Variants in FLNB observed in about 807,000 individuals in gnomAD.
FLNB encodes filamin B.
In FLNB, 111 loss-of-function variants were observed where a neutral mutation model predicts 250.6. The ratio of observed to expected loss-of-function variants is 0.44; its 90% CI spans 0.38 to 0.52. The LOEUF (loss-of-function observed/expected upper bound fraction) is 0.52. FLNB is among the 20% of genes least tolerant of loss of function. The pLI is 0.00. For synonymous variants in FLNB, 1,302 were observed against 1,372.1 expected, an observed-to-expected ratio of 0.95 and a Z score of 1.13; for missense variants, 2,869 against 3,447.8, an observed-to-expected ratio of 0.83 and a Z score of 4.20.
chr3:58,135,878 G>A, intron 27 of FLNB, 101 bp from the exon 28 acceptor site: 1 of 1,202,282 alleles, frequency 8.3e-7, no homozygotes, highest in South Asian at 1.3e-5. Flanking sequence ...AATTCTGTCT[G>A]TTTCCACTAG....
At position 58,130,813 on chromosome 3, in the gene FLNB, G is replaced by A; in HGVS notation, c.4295G>A (p.Gly1432Asp). The change falls in exon 25 of 46, where the codon GGC (glycine) becomes GAC (aspartate). Residue 1432 changes from glycine (G) to aspartate (D), a missense_variant. Transcript: ENST00000295956. ...SKVKIAGPGL[G>D]SGVRARVLQS... ...GTCAAGATTGCCGGCCCCGGGCTGG[G>A]CTCAGGCGTCCGAGCCCGTGTCCTG... The A allele has an allele frequency of 6.2e-7, 1 of 1,613,886 alleles. No homozygotes were observed. Among genetic ancestry groups the A allele is most frequent in the Non-Finnish European group, 8.5e-7 (1 of 1,179,944 alleles).
intron 22 of FLNB, among the ~76,000 whole-genome samples, chr3:58,124,859 A>AG (rs1164779348): frequency 6.6e-6 from 1 of 152,010 alleles, no homozygotes; most frequent in African/African-American, 2.4e-5. Context: ...TAAAGAAAAA[A>AG]AAGTGCCATG....
chr3:58,146,923 C>G lies in FLNB; in HGVS notation c.5658C>G (p.Gly1886=). Residue 1886 remains glycine (G), a synonymous_variant, in exon 34 of 46, where the codon GGC becomes GGG. Coordinates refer to ENST00000295956, the MANE Select transcript of FLNB (RefSeq NM_001457.4). ...CTVTYLPTLP[G]DYSILVKYND... ...TGACCTACCTGCCGACTCTGCCAGG[C>G]GACTACAGCATTCTGGTCAAGTACA... 6.2e-7 allele frequency: 1 copy of G among 1,614,170 alleles called. No homozygotes were observed. The highest frequency in any genetic ancestry group is 1.3e-5 in the African/African-American group (1 of 75,034).
At chr3:58,131,110 C>G (rs548105592) in intron 25 of FLNB, among the ~76,000 whole-genome samples, 2 of 152,180 alleles carry the variant, frequency 1.3e-5, no homozygotes, top group African/African-American at 4.8e-5. Context: ...GATCTGTCCC[C>G]CCATTTAATA....
intron 43 of FLNB, among the ~76,000 whole-genome samples, chr3:58,167,993 A>T (rs567493383): frequency 6.6e-6 from 1 of 152,238 alleles, no homozygotes; most frequent in Non-Finnish European, 1.5e-5. Flanking sequence ...GGAGGAAGGG[A>T]GGAGATGCTT....
chr3:58,010,653 A>G (rs760603813), intron 1 of FLNB, among the ~76,000 whole-genome samples: 2 of 152,176 alleles, frequency 1.3e-5, no homozygotes, highest in Admixed American at 1.3e-4. Flanking sequence ...TGTTTTAAAA[A>G]TGTGTATTTA....
In FLNB at chr3:58,168,499, A is replaced by C. The variant is rs767585122; in HGVS notation, c.7258A>C (p.Thr2420Pro). 3.1e-6 allele frequency: 5 copies of C among 1,614,246 alleles called. No individual in the cohort carries two copies. Among genetic ancestry groups the C allele is most frequent in the Non-Finnish European group, 4.2e-6 (5 of 1,180,034 alleles). The change falls in exon 44 of 46, where the codon ACC (threonine) becomes CCC (proline). Residue 2420 changes from threonine to proline, a missense_variant. Physicochemically the swap from Thr to Pro is conservative, Grantham distance 38. Around this residue, in one of 5 missense-constraint regions of FLNB, gnomAD observed 1,084 missense variants for 1,315.5 expected, o/e 0.82. Transcript: ENST00000295956. ...TRAGPGTLSV[T>P]IEGPSKVKMD... ...AGCAGGTCCAGGGACATTATCCGTC[A>C]CCATCGAAGGCCCATCCAAGGTTAA... is the stretch of plus-strand genomic sequence containing the variant.
chr3:58,067,181 T>C (rs367879543), intron 1 of FLNB, among the ~76,000 whole-genome samples: 28 of 137,058 alleles, frequency 2.0e-4, no homozygotes, highest in African/African-American at 7.9e-4. Context: ...TTCTAATGCA[T>C]TTTAGCAGTC....
intron 1 of FLNB, among the ~76,000 whole-genome samples, chr3:58,058,803 TTC>T (rs1169868686): frequency 2.6e-5 from 4 of 152,216 alleles, no homozygotes. Flanking sequence ...CTTCCTTTCT[TTC>T]TGTGTGTTTA....
At chr3:58,137,664 G>C (rs774122103) in intron 28 of FLNB, among the ~76,000 whole-genome samples, 1 of 152,240 alleles carries the variant, frequency 6.6e-6, no homozygotes, top group Non-Finnish European at 1.5e-5. Flanking sequence ...AATCAAGAGA[G>C]AGACTGGTCA....
At position 58,154,882 on chromosome 3, in the gene FLNB, C is replaced by G; in HGVS notation, c.6726C>G (p.Asp2242Glu). The stretch of plus-strand genomic sequence containing the variant: ...GTAAGGCCGAGATTACATTCGATGA[C>G]CATAAAAATGGGTCGTGCGGTGTAT... ...GPSKAEITFD[D>E]HKNGSCGVSY... The change falls in exon 40 of 46, where the codon GAC (aspartate) becomes GAG (glutamate). Residue 2242 changes from aspartate to glutamate, a missense_variant. By Grantham distance (45) the Asp-to-Glu change is conservative. Coordinates refer to ENST00000295956, the MANE Select transcript of FLNB (RefSeq NM_001457.4). 6.2e-7 allele frequency: 1 copy of G among 1,613,968 alleles called. No individual in the cohort carries two copies. The highest frequency in any genetic ancestry group is 8.5e-7 in the Non-Finnish European group (1 of 1,179,896).
chr3:58,148,223 T>A lies in FLNB; in HGVS notation c.5746T>A (p.Ser1916Thr), dbSNP rs2097338991. The A allele has an allele frequency of 6.2e-7, 1 of 1,614,208 alleles. No homozygotes were observed. Among genetic ancestry groups the A allele is most frequent in the Non-Finnish European group, 8.5e-7 (1 of 1,180,044 alleles). ...TTTCCCAGATGACAGCAGGCGGTGCTCCCAGGTGAAGTTGGGCTCAGCCGC... is the reference window on the plus strand; with the variant it reads ...TTTCCCAGATGACAGCAGGCGGTGCACCCAGGTGAAGTTGGGCTCAGCCGC... ...AKITDDSRRCSQVKLGSAADF... is the reference protein window; with the variant it reads ...AKITDDSRRCTQVKLGSAADF... The change falls in exon 35 of 46, where the codon TCC (serine) becomes ACC (threonine). Residue 1916 changes from serine to threonine, a missense_variant. Transcript: ENST00000295956.
At chr3:58,111,944 C>T in intron 17 of FLNB, 63 bp downstream of exon 17, 1 of 1,379,222 alleles carries the variant, frequency 7.3e-7, no homozygotes, top group Non-Finnish European at 1.0e-6. Flanking sequence ...GGGCGTGTTT[C>T]ATCCACGGCC....
intron 1 of FLNB, among the ~76,000 whole-genome samples, chr3:58,036,541 C>T (rs1321399576): frequency 6.6e-6 from 1 of 152,136 alleles, no homozygotes; most frequent in African/African-American, 2.4e-5. Flanking sequence ...TCAGCTGATC[C>T]ATGGAGTGCA....
chr3:58,107,521 A>G (rs1335166413), intron 12 of FLNB, among the ~76,000 whole-genome samples: 3 of 152,248 alleles, frequency 2.0e-5, no homozygotes, highest in Admixed American at 6.5e-5. Context: ...TGCCTGGCCC[A>G]TGCAGGGAGC....
At chr3:58,138,635 T>C (rs1021067432) in intron 29 of FLNB, 106 bp downstream of exon 29, 12 of 1,465,286 alleles carry the variant, frequency 8.2e-6, no homozygotes, top group Non-Finnish European at 1.0e-5. Context: ...TTTTTTCCTT[T>C]GGAAAAAAAT....
intron 32 of FLNB, among the ~76,000 whole-genome samples, chr3:58,145,688 C>T (rs542136078): frequency 1.8e-4 from 28 of 152,286 alleles, no homozygotes; most frequent in African/African-American, 6.7e-4. Context: ...GGAGCAGCTT[C>T]CAGGATTGTT....
At chr3:58,115,722 C>T (rs1470999737) in intron 18 of FLNB, among the ~76,000 whole-genome samples, 3 of 152,070 alleles carry the variant, frequency 2.0e-5, no homozygotes, top group Admixed American at 6.5e-5. Flanking sequence ...TTCAAGGAGC[C>T]GGGTGGGCCT....
Position 58,148,840 on chromosome 3 carries a change from A to G in FLNB, c.6079A>G (p.Thr2027Ala). 1 of 1,612,768 alleles carries G rather than the reference A, an allele frequency of 6.2e-7. No individual in the cohort carries two copies. The highest frequency in any genetic ancestry group is 8.5e-7 in the Non-Finnish European group (1 of 1,180,004). Residue 2027 changes from threonine (T) to alanine (A), a missense_variant, in exon 36 of 46, where the codon ACA becomes GCA. Coordinates refer to ENST00000295956, the MANE Select transcript of FLNB (RefSeq NM_001457.4). ...TFEMSDFIVDTRDAGYGGISL... is the reference protein window; with the variant it reads ...TFEMSDFIVDARDAGYGGISL... ...CGAGATGTCTGACTTCATCGTGGAC[A>G]CAAGGGATGCAGGTCTGTGTGGTCC...
Sources: gnomAD v4.1 joint callset for allele counts (sites outside exome capture counted in the v4.1 genomes callset) on GRCh38, gnomAD v4.1.1 for gene constraint, gnomAD v4.1.1 regional missense constraint, MANE v1.5 for transcripts, NCBI Gene and HGNC (gene_info 2026-07-23, HGNC 2026-07-21) for gene names.